The following ANK3 variants were observed in gnomAD, a reference collection of about 807,000 sequenced individuals.
ANK3 encodes the protein ankyrin 3.
A neutral mutation model predicts 370.9 loss-of-function variants in ANK3; 57 were observed. The ratio of observed to expected loss-of-function variants is 0.15; its 90% CI spans 0.12 to 0.19. The LOEUF (loss-of-function observed/expected upper bound fraction) is 0.19, where lower values mean the gene tolerates loss of function less well. Ranked by LOEUF, ANK3 falls within the 10% of genes least tolerant of loss-of-function variation. The pLI is 1.00. For synonymous variants in ANK3, 1,929 were observed against 1,946.3 expected (o/e 0.99, Z 0.23); for missense variants, 4,439 against 5,302.1 (o/e 0.84, Z 5.06).
chr10:60,684,924 C>G, intron 1 of ANK3: 1 of 1,503,912 alleles, frequency 6.6e-7, no homozygotes, highest in Non-Finnish European at 9.2e-7. Context: ...ACTTGGAGAA[C>G]TCATTATCTC....
chr10:60,169,766 C>A (rs1247439233), intron 21 of ANK3, among the ~76,000 whole-genome samples: 1 of 152,198 alleles, frequency 6.6e-6, no homozygotes, highest in Non-Finnish European at 1.5e-5. Context: ...AGTTATTTTA[C>A]AGTTTGCACT....
chr10:60,699,092 C>T (rs2079510743), intron 1 of ANK3, among the ~76,000 whole-genome samples: 1 of 126,104 alleles, frequency 7.9e-6, no homozygotes, highest in Non-Finnish European at 1.6e-5. Flanking sequence ...GACGCAAAGA[C>T]ATAAGAATGA....
At chr10:60,032,507 C>G (rs2131834974) in intron 43 of ANK3, among the ~76,000 whole-genome samples, 1 of 152,190 alleles carries the variant, frequency 6.6e-6, no homozygotes, top group South Asian at 2.1e-4. Context: ...TGCGCCTGGC[C>G]TGGCTTGATA....
At chr10:60,418,759 G>A (rs1039034266) in intron 2 of ANK3, among the ~76,000 whole-genome samples, 1 of 150,476 alleles carries the variant, frequency 6.6e-6, no homozygotes, top group African/African-American at 2.4e-5. Context: ...ATTTTAACTG[G>A]GCATTCTGTA....
chr10:60,148,906 T>C (rs2094953445), intron 23 of ANK3, among the ~76,000 whole-genome samples: 1 of 152,224 alleles, frequency 6.6e-6, no homozygotes, highest in Non-Finnish European at 1.5e-5. Context: ...GCTATTTGTC[T>C]AGCCTCAACC....
At chr10:60,176,104 G>A (rs1317629215) in intron 18 of ANK3, among the ~76,000 whole-genome samples, 2 of 151,330 alleles carry the variant, frequency 1.3e-5, no homozygotes, top group African/African-American at 4.9e-5. Context: ...AGGCTGAGGC[G>A]GGCAGATCAC....
chr10:60,474,334 CTTAGAGATCTTTAT>C (rs2075000641), intron 2 of ANK3, among the ~76,000 whole-genome samples: 1 of 152,046 alleles, frequency 6.6e-6, no homozygotes, highest in Non-Finnish European at 1.5e-5. Context: ...CACAGGCAAA[CTTAGAGATCTTTAT>C]GGGATTCTAA....
At chr10:60,220,899 A>C (rs1319503381) in intron 8 of ANK3, among the ~76,000 whole-genome samples, 1 of 152,178 alleles carries the variant, frequency 6.6e-6, no homozygotes, top group Non-Finnish European at 1.5e-5. Flanking sequence ...AACTGTGCTC[A>C]CACAGAAAAA....
intron 1 of ANK3, among the ~76,000 whole-genome samples, chr10:60,331,089 G>A (rs2051142933): frequency 6.6e-6 from 1 of 152,018 alleles, no homozygotes; most frequent in African/African-American, 2.4e-5. Context: ...GGCACAGGGA[G>A]GGGAACATTA....
intron 1 of ANK3, among the ~76,000 whole-genome samples, chr10:60,701,814 G>A (rs1589050106): frequency 1.3e-5 from 2 of 152,198 alleles, no homozygotes; most frequent in Middle Eastern, 3.4e-3. Context: ...ATATATAAAT[G>A]TGTATCAAAA....
intron 2 of ANK3, among the ~76,000 whole-genome samples, chr10:60,406,334 C>T (rs1390890269): frequency 1.3e-5 from 2 of 152,150 alleles, no homozygotes; most frequent in Non-Finnish European, 2.9e-5. Flanking sequence ...GATCAGCAGC[C>T]CCCAGCCTTT....
At chr10:60,695,877 C>A (rs2079440714) in intron 1 of ANK3, among the ~76,000 whole-genome samples, 1 of 151,504 alleles carries the variant, frequency 6.6e-6, no homozygotes, top group African/African-American at 2.4e-5. Context: ...CAAAAGCTAG[C>A]AGAAGGCAAG....
chr10:60,150,449 A>G (rs1474470134), intron 23 of ANK3, among the ~76,000 whole-genome samples: 1 of 152,024 alleles, frequency 6.6e-6, no homozygotes, highest in Non-Finnish European at 1.5e-5. Context: ...CTGTCTTTTT[A>G]ATTTTCTTGT....
intron 1 of ANK3, among the ~76,000 whole-genome samples, chr10:60,712,828 G>T (rs1052809578): frequency 6.6e-6 from 1 of 152,066 alleles, no homozygotes; most frequent in Non-Finnish European, 1.5e-5. Context: ...TTCTTAAAAC[G>T]CTGACTTCAG....
At chr10:60,343,230 AAAAT>A in intron 1 of ANK3, among the ~76,000 whole-genome samples, 1 of 152,328 alleles carries the variant, frequency 6.6e-6, no homozygotes, top group East Asian at 1.9e-4. Context: ...TTATCACAGT[AAAAT>A]AAAAATGTCA....
Position 60,379,344 on chromosome 10 carries a change from A to G in ANK3, c.114+10081T>C, listed in dbSNP as rs1171261790. 2.0e-5 allele frequency among the ~76,000 whole-genome samples: 3 copies of G among 152,180 alleles called. No homozygotes were observed. The East Asian group carries it at 5.8e-4, about 29-fold the overall frequency. ...AAATTACAAATAGAACTACCATATGATTCAGCAATGCCACTACTGGGCATT... is the reference window on the plus strand; with the variant it reads ...AAATTACAAATAGAACTACCATATGGTTCAGCAATGCCACTACTGGGCATT... On this transcript the variant is annotated intron_variant, in intron 1 of 43. Transcript: ENST00000280772.
Position 60,074,653 on chromosome 10 carries a change from T to G in ANK3, c.6228A>C (p.Glu2076Asp), listed in dbSNP as rs2083396792. The G allele has an allele frequency of 6.2e-7, 1 of 1,613,864 alleles. No homozygotes were observed. The highest frequency in any genetic ancestry group is 8.5e-7 in the Non-Finnish European group (1 of 1,179,986). ...RVLKPAIALQ[E>D]HKLKMPPASM... is the part of the protein sequence containing the mutation. Reference sequence around the variant, plus strand: ...AGGCTGGAGGCATTTTGAGTTTGTGTTCCTGCAAAGCAATTGCTGGTTTTA... The same window carrying G: ...AGGCTGGAGGCATTTTGAGTTTGTGGTCCTGCAAAGCAATTGCTGGTTTTA... Residue 2076 changes from glutamate (E) to aspartate (D), a missense_variant, in exon 37 of 44, where the codon GAA becomes GAC. Physicochemically the swap from Glu to Asp is conservative, Grantham distance 45. Around this residue, in one of 13 missense-constraint regions of ANK3, gnomAD observed 679 missense variants for 791.0 expected, o/e 0.86. Transcript: ENST00000280772.
At chr10:60,604,673 A>G (rs1595342816) in intron 2 of ANK3, among the ~76,000 whole-genome samples, 1 of 152,172 alleles carries the variant, frequency 6.6e-6, no homozygotes, top group East Asian at 1.9e-4. Flanking sequence ...GCAAAAAGTA[A>G]AAAAGGAAAA....
At chr10:60,659,378 C>A (rs1007512167) in intron 1 of ANK3, among the ~76,000 whole-genome samples, 5 of 152,082 alleles carry the variant, frequency 3.3e-5, no homozygotes, top group African/African-American at 1.2e-4. Flanking sequence ...TTTCCAGTTT[C>A]TTTTCTAGTT....
Sources: allele counts gnomAD v4.1 joint callset (sites outside exome capture counted in the v4.1 genomes callset), GRCh38; gene constraint gnomAD v4.1.1; regional missense constraint gnomAD v4.1.1; transcripts MANE v1.5; gene names NCBI Gene and HGNC (gene_info 2026-07-23, HGNC 2026-07-21).